BUB1: variants seen among roughly 807,000 people sequenced by gnomAD.
The protein encoded by BUB1 is mitotic checkpoint serine/threonine-protein kinase BUB1.
Under a neutral mutation model 135.2 loss-of-function variants are expected in BUB1, and 84 were observed. The observed-to-expected ratio is 0.62, with a 90% CI of 0.52 to 0.74. The LOEUF (loss-of-function observed/expected upper bound fraction) is 0.74. BUB1 is among the 30% of genes least tolerant of loss of function. The pLI is 0.00. For synonymous variants in BUB1, 403 were observed against 434.4 expected (o/e 0.93, Z 0.90); for missense variants, 1,162 against 1,288.3 (o/e 0.90, Z 1.50).
chr2:110,676,506 CAT>C (rs1350854530), intron 1 of BUB1: 2 of 152,166 alleles, frequency 1.3e-5, no homozygotes, highest in Non-Finnish European at 2.9e-5. Flanking sequence ...GACACATACA[CAT>C]GTGTATCCGC....
chr2:110,669,149 C>G (rs1042011833), intron 6 of BUB1, among the ~76,000 whole-genome samples: 1 of 152,154 alleles, frequency 6.6e-6, no homozygotes, highest in Non-Finnish European at 1.5e-5. Flanking sequence ...TTTCCAGAGC[C>G]TATGCAGAGG....
At chr2:110,647,143 C>T (rs1689664467) in intron 19 of BUB1, among the ~76,000 whole-genome samples, 1 of 152,108 alleles carries the variant, frequency 6.6e-6, no homozygotes, top group Non-Finnish European at 1.5e-5. Context: ...AACAATCTCT[C>T]GCAGATGAAA....
rs1045343667 is a variant in BUB1, at chr2:110,677,879, G to A, written c.26+91C>T. 1.0e-5 allele frequency: 15 copies of A among 1,439,220 alleles called. No individual in the cohort carries two copies. In the African/African-American group the frequency reaches 1.1e-4, roughly 11 times the overall value. The allele number at this position is 1,439,220 out of a possible 1,614,324, so 89.2% of individuals were successfully genotyped here. ...CCAAACCCAGGAAGGGGGCGAAGGG[G>A]GCAAAAGAAGGCAGGTCTGGGGCGG... On this transcript the variant is annotated intron_variant, in intron 1 of 24. Coordinates refer to ENST00000302759, the MANE Select transcript of BUB1 (RefSeq NM_004336.5).
chr2:110,644,420 T>C (rs1383485008), intron 19 of BUB1, among the ~76,000 whole-genome samples: 4 of 144,042 alleles, frequency 2.8e-5, no homozygotes, highest in Non-Finnish European at 6.0e-5. Context: ...GAGGTTGCAG[T>C]GCACCAAGAT....
intron 1 of BUB1, 48 bp downstream of exon 1, chr2:110,677,921 AG>A (rs1690637479): frequency 1.9e-6 from 3 of 1,584,184 alleles, no homozygotes; most frequent in Non-Finnish European, 2.6e-6. Flanking sequence ...CCCGAACCCC[AG>A]GCGCCCCAGC....
intron 3 of BUB1, among the ~76,000 whole-genome samples, chr2:110,673,219 C>T (rs904948465): frequency 6.6e-6 from 1 of 152,202 alleles, no homozygotes; most frequent in South Asian, 2.1e-4. Flanking sequence ...CTCCACACAC[C>T]TTCCCCAATA....
At position 110,655,387 on chromosome 2, in the gene BUB1, A is replaced by C. The variant is rs558362012; in HGVS notation, c.1876+352T>G. ...ATTATTTTTAGCATTCAAATAATTT[A>C]ATGTCTGTAGTGGCTGTTTTGTTTG... On this transcript the variant is annotated intron_variant, in intron 16 of 24. Transcript: ENST00000302759. 9.9e-4 allele frequency among the ~76,000 whole-genome samples: 151 copies of C among 152,344 alleles called. 1 individual carries two copies. The highest frequency in any genetic ancestry group is 3.6e-3 in the African/African-American group (148 of 41,588).
intron 1 of BUB1, among the ~76,000 whole-genome samples, 183 bp downstream of exon 1, chr2:110,677,787 G>T (rs1443167646): frequency 6.6e-6 from 1 of 152,222 alleles, no homozygotes; most frequent in Non-Finnish European, 1.5e-5. Flanking sequence ...GGCCTCAGCG[G>T]AACCCAAGGT....
rs1283924517 is a variant in BUB1 at position 110,669,469 on chromosome 2, C to A, written c.551G>T (p.Cys184Phe). 2 of 1,594,384 alleles carry A rather than the reference C, an allele frequency of 1.3e-6. No homozygotes were observed. Among genetic ancestry groups the A allele is most frequent in the Non-Finnish European group, 1.7e-6 (2 of 1,162,146 alleles). ...SKSNPGNNMA[C>F]ISKNQGSELS... ...CATTATTACCTGATTCTTAGAAATGCAGGCCATGTTATTTCCTGGATTTGA... is the reference window on the plus strand; with the variant it reads ...CATTATTACCTGATTCTTAGAAATGAAGGCCATGTTATTTCCTGGATTTGA... The change falls in exon 6 of 25, where the codon TGC becomes TTC. Residue 184 changes from cysteine (C) to phenylalanine (F), a missense_variant. Physicochemically the swap from Cys to Phe is radical, Grantham distance 205. Transcript: ENST00000302759.
chr2:110,669,590 A>C (rs1450415546), intron 5 of BUB1, 37 bp from the exon 6 acceptor site: 1 of 1,351,852 alleles, frequency 7.4e-7, no homozygotes, highest in Non-Finnish European at 1.1e-6. Flanking sequence ...GGAGAAATTA[A>C]GGGTAAAACC....
At chr2:110,666,484 T>G in intron 8 of BUB1, 70 bp from the exon 9 acceptor site, 1 of 1,197,486 alleles carries the variant, frequency 8.4e-7, no homozygotes, top group Non-Finnish European at 1.1e-6. Flanking sequence ...ACATGCAAAA[T>G]GAGGAAAGGG....
At chr2:110,658,386 T>C (rs1559169803) in intron 13 of BUB1, 24 bp downstream of exon 13, 1 of 1,566,560 alleles carries the variant, frequency 6.4e-7, no homozygotes, top group Non-Finnish European at 8.8e-7. Flanking sequence ...GCTATGCACT[T>C]AGTAGCTTTT....
At chr2:110,670,589 C>A (rs969187384) in intron 4 of BUB1, 21 bp from the exon 5 acceptor site, 1 of 1,612,620 alleles carries the variant, frequency 6.2e-7, no homozygotes, top group South Asian at 1.1e-5. Flanking sequence ...GCAGAAAAGG[C>A]ATCAATGTAG....
rs1463851830 is a variant in BUB1 at position 110,674,228 on chromosome 2, G to GA, written c.87-5dup. The GA allele has an allele frequency of 6.2e-7, 1 of 1,610,434 alleles. No homozygotes were observed. The highest frequency in any genetic ancestry group is 8.5e-7 in the Non-Finnish European group (1 of 1,177,180). ...CTCTTCTACCCACTGTATGTATCTA[G>GA]AAAAATATGGATAATGTTAATTTTC... On this transcript the variant is annotated splice_polypyrimidine_tract_variant and splice_region_variant and intron_variant, in intron 2 of 24. Transcript: ENST00000302759.
intron 1 of BUB1, among the ~76,000 whole-genome samples, chr2:110,677,599 T>C (rs1023451923): frequency 1.3e-5 from 2 of 152,256 alleles, no homozygotes; most frequent in African/African-American, 4.8e-5. Context: ...GTCGAATTGT[T>C]AAATACGTGA....
chr2:110,642,337 G>C (rs905448142), intron 19 of BUB1, 103 bp from the exon 20 acceptor site: 2 of 667,708 alleles, frequency 3.0e-6, no homozygotes, highest in East Asian at 6.0e-5. Flanking sequence ...TGTATACTTC[G>C]CATCCACTGT....
intron 17 of BUB1, among the ~76,000 whole-genome samples, chr2:110,652,257 T>C (rs928898305): frequency 2.0e-5 from 3 of 152,166 alleles, no homozygotes; most frequent in African/African-American, 7.2e-5. Flanking sequence ...TGAGCTAAGG[T>C]TGAACAAGGT....
intron 6 of BUB1, among the ~76,000 whole-genome samples, chr2:110,668,989 G>T (rs1236677348): frequency 6.6e-6 from 1 of 152,188 alleles, no homozygotes; most frequent in Non-Finnish European, 1.5e-5. Flanking sequence ...ATCAGACACT[G>T]GAAGCATGTC....
At chr2:110,649,911 G>A (rs1486725376) in intron 18 of BUB1, among the ~76,000 whole-genome samples, 1 of 152,154 alleles carries the variant, frequency 6.6e-6, no homozygotes, top group Non-Finnish European at 1.5e-5. Flanking sequence ...TTATATTAGT[G>A]GCAGTTATCA....
Sources: allele counts gnomAD v4.1 joint callset (sites outside exome capture counted in the v4.1 genomes callset), GRCh38; gene constraint gnomAD v4.1.1; transcripts MANE v1.5; gene names NCBI Gene and HGNC (gene_info 2026-07-23, HGNC 2026-07-21).